Variants in TENM4 observed in about 807,000 individuals in gnomAD.
The protein encoded by TENM4 is teneurin-4.
TENM4 carries 82 observed loss-of-function variants against 243.3 expected under a neutral mutation model. The ratio of observed to expected loss-of-function variants is 0.34; its 90% CI spans 0.28 to 0.40. The LOEUF is 0.40. Among genes scored for constraint, TENM4 ranks in the 10% least tolerant of loss-of-function variants. TENM4 has a pLI of 1.00. For missense variants in TENM4, 3,138 were observed against 3,673.3 expected, an observed-to-expected ratio of 0.85 and a Z score of 3.77; for synonymous variants, 1,412 against 1,456.3, an observed-to-expected ratio of 0.97 and a Z score of 0.69.
chr11:78,989,479 C>T (rs1368474177), intron 6 of TENM4, among the ~76,000 whole-genome samples: 1 of 152,234 alleles, frequency 6.6e-6, no homozygotes, highest in East Asian at 1.9e-4. Flanking sequence ...CAAATTTCTA[C>T]TGCTTTCATT....
intron 2 of TENM4, among the ~76,000 whole-genome samples, chr11:79,283,502 C>G (rs1034221046): frequency 6.6e-6 from 1 of 152,078 alleles, no homozygotes; most frequent in Non-Finnish European, 1.5e-5. Context: ...AAGCACTTCA[C>G]AAAATCTAAC....
At chr11:79,176,982 T>G (rs776959190) in intron 3 of TENM4, among the ~76,000 whole-genome samples, 1 of 152,136 alleles carries the variant, frequency 6.6e-6, no homozygotes, top group South Asian at 2.1e-4. Context: ...TCCAGCTAGA[T>G]TCTCTGCTCT....
intron 6 of TENM4, among the ~76,000 whole-genome samples, chr11:79,060,156 A>T (rs899316635): frequency 3.3e-5 from 5 of 150,176 alleles, no homozygotes. Flanking sequence ...CATCTATTGC[A>T]TGCCGACTGT....
In TENM4 at chr11:78,697,446, C is replaced by G. The variant is rs935692427; in HGVS notation, c.5087+4080G>C. ...AGGTTGGGCATGATGCACTTTCCAG[C>G]TTTCCTATCCCCAAGTAAAAACCAG... On this transcript the variant is annotated intron_variant, in intron 28 of 33. Coordinates refer to ENST00000278550, the MANE Select transcript of TENM4 (RefSeq NM_001098816.3). Among the ~76,000 whole-genome samples, 75 of 152,206 alleles carry G rather than the reference C, an allele frequency of 4.9e-4. 1 individual carries two copies. Among genetic ancestry groups the G allele is most frequent in the Admixed American group, 2.8e-3 (43 of 15,286 alleles).
intron 1 of TENM4, among the ~76,000 whole-genome samples, chr11:79,408,955 C>T (rs1037319459): frequency 6.6e-6 from 1 of 151,774 alleles, no homozygotes; most frequent in Non-Finnish European, 1.5e-5. Context: ...AATTGCATGG[C>T]CTTTTTAAGG....
chr11:78,894,161 C>T (rs751712320), intron 7 of TENM4, among the ~76,000 whole-genome samples: 11 of 152,156 alleles, frequency 7.2e-5, no homozygotes, highest in Non-Finnish European at 1.3e-4. Context: ...TGATTGTTTC[C>T]TCCATCCCTG....
At chr11:79,315,407 C>T (rs940599450) in intron 1 of TENM4, among the ~76,000 whole-genome samples, 1 of 152,190 alleles carries the variant, frequency 6.6e-6, no homozygotes, top group African/African-American at 2.4e-5. Context: ...CTGGAAAGTT[C>T]CTTTGCTTCC....
At position 78,889,178 on chromosome 11, in the gene TENM4, G is replaced by A. The variant is rs7110116; in HGVS notation, c.1084+607C>T. Among the ~76,000 whole-genome samples, 778 of 152,312 alleles carry A rather than the reference G, an allele frequency of 5.1e-3. 8 individuals are homozygous for A. Among genetic ancestry groups the A allele is most frequent in the African/African-American group, 0.018 (742 of 41,564 alleles). The stretch of plus-strand genomic sequence containing the variant: ...CCGTGTCTGTGCGCCCTCAGCCAGC[G>A]TTCTCTGCTCTCTGTGCTGGCTGGG... On this transcript the variant is annotated intron_variant, in intron 9 of 33. Coordinates refer to ENST00000278550, the MANE Select transcript of TENM4 (RefSeq NM_001098816.3).
intron 2 of TENM4, among the ~76,000 whole-genome samples, chr11:79,279,701 C>T (rs1474256035): frequency 2.0e-5 from 3 of 152,194 alleles, no homozygotes; most frequent in Admixed American, 6.5e-5. Flanking sequence ...ACTCCAGGGC[C>T]TTCCAGGTCT....
chr11:79,134,913 C>T (rs551794721), intron 4 of TENM4, among the ~76,000 whole-genome samples: 1 of 152,038 alleles, frequency 6.6e-6, no homozygotes, highest in African/African-American at 2.4e-5. Context: ...ATTGGAAAAA[C>T]CCTTCTAGAA....
At chr11:78,741,551 T>C (rs959482138) in intron 19 of TENM4, among the ~76,000 whole-genome samples, 1 of 152,206 alleles carries the variant, frequency 6.6e-6, no homozygotes, top group Non-Finnish European at 1.5e-5. Context: ...TAGAAAGTAG[T>C]AAGTTTTGAG....
chr11:79,010,255 T>C (rs1858608928), intron 6 of TENM4, among the ~76,000 whole-genome samples: 1 of 152,112 alleles, frequency 6.6e-6, no homozygotes, highest in Non-Finnish European at 1.5e-5. Flanking sequence ...CACTAGGACA[T>C]GGAATTAAAA....
chr11:79,428,071 A>C (rs944696886), intron 1 of TENM4, among the ~76,000 whole-genome samples: 1 of 152,256 alleles, frequency 6.6e-6, no homozygotes, highest in African/African-American at 2.4e-5. Context: ...CCAAGGTCTT[A>C]GAGCTCTGCT....
At chr11:79,414,461 G>A (rs187775856) in intron 1 of TENM4, among the ~76,000 whole-genome samples, 3 of 152,224 alleles carry the variant, frequency 2.0e-5, no homozygotes, top group Admixed American at 6.5e-5. Context: ...AGTGGCTATA[G>A]AGATGCCATC....
At chr11:79,255,639 G>A (rs1345811250) in intron 2 of TENM4, among the ~76,000 whole-genome samples, 1 of 152,188 alleles carries the variant, frequency 6.6e-6, no homozygotes, top group Non-Finnish European at 1.5e-5. Flanking sequence ...GCTAAAGTTA[G>A]GGAAGCCAAT....
intron 1 of TENM4, among the ~76,000 whole-genome samples, chr11:79,307,509 T>G (rs1856646283): frequency 6.6e-6 from 1 of 152,048 alleles, no homozygotes; most frequent in Admixed American, 6.5e-5. Context: ...CCATCTCTGT[T>G]TCTACTACCC....
intron 2 of TENM4, among the ~76,000 whole-genome samples, chr11:79,236,997 C>T (rs139623514): frequency 6.6e-5 from 10 of 152,302 alleles, no homozygotes; most frequent in African/African-American, 1.9e-4. Context: ...CCAGGTACTT[C>T]TCTGGTTCTC....
chr11:79,377,059 G>A (rs1261462539), intron 1 of TENM4, among the ~76,000 whole-genome samples: 1 of 152,180 alleles, frequency 6.6e-6, no homozygotes. Flanking sequence ...TATGAAAGAG[G>A]CAGAGGGAGA....
At chr11:79,163,374 A>G (rs1435473621) in intron 3 of TENM4, among the ~76,000 whole-genome samples, 2 of 152,124 alleles carry the variant, frequency 1.3e-5, no homozygotes, top group Non-Finnish European at 2.9e-5. Flanking sequence ...TACAAGCCAC[A>G]TAGCCAAGAA....
Sources: gnomAD v4.1 joint callset for allele counts (sites outside exome capture counted in the v4.1 genomes callset) on GRCh38, gnomAD v4.1.1 for gene constraint, MANE v1.5 for transcripts, NCBI Gene and HGNC (gene_info 2026-07-23, HGNC 2026-07-21) for gene names.